The following LARP6 variants were observed in gnomAD, a reference collection of about 807,000 sequenced individuals.
LARP6 encodes la-related protein 6.
Under a neutral mutation model 32.8 loss-of-function variants are expected in LARP6, and 18 were observed. The observed-to-expected ratio is 0.55, with a 90% CI of 0.38 to 0.81. The LOEUF (loss-of-function observed/expected upper bound fraction) is 0.81. LARP6 is among the 40% of genes least tolerant of loss of function. The probability of loss-of-function intolerance (pLI) is 0.00; values close to 1 mark genes in which losing one functional copy is unlikely to be tolerated. For missense variants in LARP6, 598 were observed against 663.1 expected (o/e 0.90, Z 1.08); for synonymous variants, 289 against 267.2 (o/e 1.08, Z -0.80).
At chr15:70,840,332 G>A (rs2032229580) in intron 1 of LARP6, among the ~76,000 whole-genome samples, 1 of 152,156 alleles carries the variant, frequency 6.6e-6, no homozygotes, top group African/African-American at 2.4e-5. Flanking sequence ...TTGAGGTTAG[G>A]AGTTTGAGAC....
intron 2 of LARP6, 123 bp from the exon 3 acceptor site, chr15:70,833,239 T>C (rs1016554233): frequency 1.2e-5 from 9 of 751,430 alleles, no homozygotes; most frequent in Non-Finnish European, 2.0e-5. Flanking sequence ...TTCTAGTGTC[T>C]AGAATCATAC....
At chr15:70,851,297 G>A (rs1209276497) in intron 1 of LARP6, 2 of 235,882 alleles carry the variant, frequency 8.5e-6, no homozygotes, top group African/African-American at 4.5e-5. Context: ...CTAGATGATG[G>A]GTATATGAAT....
At chr15:70,850,427 T>A (rs997068578) in intron 1 of LARP6, among the ~76,000 whole-genome samples, 1 of 152,182 alleles carries the variant, frequency 6.6e-6, no homozygotes. Context: ...CTGATGAACA[T>A]AGATGCAAAA....
At chr15:70,848,237 T>TTA (rs1447709717) in intron 1 of LARP6, among the ~76,000 whole-genome samples, 1 of 152,200 alleles carries the variant, frequency 6.6e-6, no homozygotes, top group Non-Finnish European at 1.5e-5. Context: ...CCATGGGTTC[T>TTA]TATATATTTA....
rs375614487 is a variant in LARP6, at chr15:70,849,335, C to T, written c.200+4554G>A. Reference sequence around the variant, plus strand: ...TCAGGTCATTGCACTCCAGCCTGGGCGACAAGAGCAAGACCCTGTCTCAAA... The same window carrying T: ...TCAGGTCATTGCACTCCAGCCTGGGTGACAAGAGCAAGACCCTGTCTCAAA... On this transcript the variant is annotated intron_variant, in intron 1 of 2. Transcript: ENST00000299213. 25 of 156,378 alleles carry T rather than the reference C, an allele frequency of 1.6e-4. 1 individual carries two copies. Among genetic ancestry groups the T allele is most frequent in the African/African-American group, 2.4e-4 (10 of 41,556 alleles). The allele number at this position is 156,378 out of a possible 1,614,324, so 9.7% of individuals were successfully genotyped here. A position where few individuals can be genotyped will look rare whatever the true frequency, so the allele number is the denominator to read the frequency against.
At chr15:70,838,143 T>A (rs1019358949) in intron 1 of LARP6, among the ~76,000 whole-genome samples, 3 of 152,224 alleles carry the variant, frequency 2.0e-5, no homozygotes, top group Non-Finnish European at 2.9e-5. Flanking sequence ...GCGCTCAAAA[T>A]GTTTCTGATT....
intron 1 of LARP6, among the ~76,000 whole-genome samples, chr15:70,849,921 A>G (rs1024750993): frequency 3.3e-5 from 5 of 152,064 alleles, no homozygotes; most frequent in Admixed American, 3.3e-4. Flanking sequence ...GATGAGACAA[A>G]GCTTTTTTTA....
At chr15:70,841,867 A>G (rs1024874177) in intron 1 of LARP6, among the ~76,000 whole-genome samples, 4 of 152,136 alleles carry the variant, frequency 2.6e-5, no homozygotes, top group Non-Finnish European at 5.9e-5. Context: ...TAAATTACCC[A>G]GTCTCAGATA....
At chr15:70,851,828 G>T in intron 1 of LARP6, 1 of 1,559,194 alleles carries the variant, frequency 6.4e-7, no homozygotes, top group Non-Finnish European at 8.7e-7. Context: ...CAGCTCTGGG[G>T]TGGGGATTGG....
In LARP6 at chr15:70,831,426, TAAAG is replaced by T. The variant is rs2032038375; in HGVS notation, c.*622_*625del. On this transcript the variant is annotated 3_prime_UTR_variant, in exon 3 of 3. Transcript: ENST00000299213. ...ATAAAAAAATTTTTAAATGTTCTCT[TAAAG>T]AAAAGAAAGATGTCTCTGCTAAGCT... 1 of 152,176 alleles carries T rather than the reference TAAAG, an allele frequency of 6.6e-6. No homozygotes were observed. The highest frequency in any genetic ancestry group is 1.5e-5 in the Non-Finnish European group (1 of 68,028). The allele number at this position is 152,176 out of a possible 1,614,324, so 9.4% of individuals were successfully genotyped here. A position where few individuals can be genotyped will look rare whatever the true frequency, so the allele number is the denominator to read the frequency against.
intron 2 of LARP6, 120 bp from the exon 3 acceptor site, chr15:70,833,236 G>C: frequency 1.3e-6 from 1 of 767,150 alleles, no homozygotes; most frequent in Non-Finnish European, 2.2e-6. Flanking sequence ...GTATTCTAGT[G>C]TCTAGAATCA....
intron 1 of LARP6, chr15:70,851,355 A>C: frequency 1.4e-6 from 1 of 734,122 alleles, no homozygotes; most frequent in Non-Finnish European, 1.8e-6. Context: ...GAAAATTTTT[A>C]TGTTAAAAAG....
intron 2 of LARP6, among the ~76,000 whole-genome samples, chr15:70,834,420 G>T (rs1363280362): frequency 6.6e-6 from 1 of 152,226 alleles, no homozygotes; most frequent in African/African-American, 2.4e-5. Context: ...GATGACTGCG[G>T]GTGCGTGTGA....
At chr15:70,837,698 G>A (rs2032173477) in intron 1 of LARP6, among the ~76,000 whole-genome samples, 1 of 152,154 alleles carries the variant, frequency 6.6e-6, no homozygotes, top group Admixed American at 6.5e-5. Context: ...ATCTCCATGT[G>A]GATACATGAT....
intron 1 of LARP6, among the ~76,000 whole-genome samples, chr15:70,846,553 A>G (rs2032348583): frequency 6.6e-6 from 1 of 152,026 alleles, no homozygotes; most frequent in Admixed American, 6.6e-5. Context: ...AGGCTACAGT[A>G]AGCCATGACT....
chr15:70,853,578 G>T, intron 1 of LARP6: 1 of 227,062 alleles, frequency 4.4e-6, no homozygotes. Context: ...CTCCTCCAGA[G>T]GAGGGGGTGG....
intron 1 of LARP6, chr15:70,849,876 T>C (rs2032417484): frequency 6.6e-6 from 1 of 152,220 alleles, no homozygotes; most frequent in South Asian, 2.1e-4. Context: ...AGCATTTTTT[T>C]GCCTCTTTAG....
chr15:70,837,104 G>A (rs535744451), intron 1 of LARP6, among the ~76,000 whole-genome samples: 11 of 152,152 alleles, frequency 7.2e-5, no homozygotes, highest in South Asian at 4.2e-4. Flanking sequence ...GCCAGGCATC[G>A]TGGCTCCCAT....
At chr15:70,839,341 G>T (rs1341331732) in intron 1 of LARP6, among the ~76,000 whole-genome samples, 1 of 151,906 alleles carries the variant, frequency 6.6e-6, no homozygotes, top group Non-Finnish European at 1.5e-5. Flanking sequence ...TTGGAAGGCT[G>T]AGGCAGGAGA....
Sources: allele counts gnomAD v4.1 joint callset (sites outside exome capture counted in the v4.1 genomes callset), GRCh38; gene constraint gnomAD v4.1.1; transcripts MANE v1.5; gene names NCBI Gene and HGNC (gene_info 2026-07-23, HGNC 2026-07-21).